KIAA0586: variants seen among roughly 807,000 people sequenced by gnomAD.
The protein encoded by KIAA0586 is protein TALPID3.
Under a neutral mutation model 169.8 loss-of-function variants are expected in KIAA0586, and 144 were observed. That is an observed-to-expected ratio of 0.85 (90% CI 0.74 to 0.97). KIAA0586 has a LOEUF of 0.97. KIAA0586 is among the 50% of genes least tolerant of loss of function. The probability of loss-of-function intolerance (pLI) is 0.00; values close to 1 mark genes in which losing one functional copy is unlikely to be tolerated. For synonymous variants in KIAA0586, 625 were observed against 612.4 expected (o/e 1.02, Z -0.30); for missense variants, 1,854 against 1,823.0 (o/e 1.02, Z -0.31).
rs183703890 is a variant in KIAA0586 at position 58,494,211 on chromosome 14, T to C, written c.3990+1936T>C. On this transcript the variant is annotated intron_variant, in intron 26 of 30. Coordinates refer to ENST00000652326, the MANE Select transcript of KIAA0586 (RefSeq NM_001329943.3). ...TATCCCTTAAATTTTCTGTCTTTCT[T>C]TTCTTCTCCATTCTGGGAGAACTCC... 1.4e-3 allele frequency among the ~76,000 whole-genome samples: 216 copies of C among 152,126 alleles called. 1 individual carries two copies. The highest frequency in any genetic ancestry group is 4.9e-3 in the African/African-American group (204 of 41,550).
chr14:58,439,085 G>T (rs888405866), intron 4 of KIAA0586, among the ~76,000 whole-genome samples: 2 of 152,176 alleles, frequency 1.3e-5, no homozygotes, highest in African/African-American at 4.8e-5. Flanking sequence ...CTGGTGTCAT[G>T]GTAAGACCTC....
rs377537955 is a variant in KIAA0586 at position 58,543,420 on chromosome 14, G to A, written c.4495+3284G>A. 2.6e-5 allele frequency among the ~76,000 whole-genome samples: 4 copies of A among 152,304 alleles called. 1 individual carries two copies. On this transcript the variant is annotated intron_variant, in intron 30 of 30. Transcript: ENST00000652326. ...TGTATTCTCCAGAGTCTAGAACAGT[G>A]CCAGGCACATAGTAGGTGCACAGTT...
chr14:58,558,474 G>A, the KIAA0586 span, among the ~76,000 whole-genome samples: 4 of 152,162 alleles, frequency 2.6e-5, no homozygotes, highest in Admixed American at 1.3e-4. Context: ...GCAATAAATT[G>A]TTGTATAAGG....
At chr14:58,552,008 C>T (rs572839220), downstream of KIAA0586, among the ~76,000 whole-genome samples, 5 of 152,174 alleles carry the variant, frequency 3.3e-5, no homozygotes, top group East Asian at 9.6e-4. Context: ...GGCGTGGATC[C>T]TCAGGGGGAG....
Position 58,487,026 on chromosome 14 carries a change from T to A in KIAA0586, c.3164T>A (p.Leu1055Gln). 6.2e-7 allele frequency: 1 copy of A among 1,610,534 alleles called. No homozygotes were observed. The highest frequency in any genetic ancestry group is 8.5e-7 in the Non-Finnish European group (1 of 1,178,344). ...TTTTAGGCAAGAGTGTGCACCCCACTGCCTACCCCACAGCCTACGCCTCCT... is the reference window on the plus strand; with the variant it reads ...TTTTAGGCAAGAGTGTGCACCCCACAGCCTACCCCACAGCCTACGCCTCCT... ...TYLPARVCTPLPTPQPTPPCS... is the reference protein window; with the variant it reads ...TYLPARVCTPQPTPQPTPPCS... Residue 1055 changes from leucine (L) to glutamine (Q), a missense_variant, in exon 22 of 31, where the codon CTG (leucine) becomes CAG (glutamine). Coordinates refer to ENST00000652326, the MANE Select transcript of KIAA0586 (RefSeq NM_001329943.3).
the KIAA0586 span, among the ~76,000 whole-genome samples, chr14:58,561,286 A>C: frequency 6.6e-6 from 1 of 152,178 alleles, no homozygotes; most frequent in African/African-American, 2.4e-5. Context: ...ATACATTTAC[A>C]TCTGGATTTC....
At chr14:58,530,450 G>A (rs1453892192) in intron 29 of KIAA0586, among the ~76,000 whole-genome samples, 1 of 152,136 alleles carries the variant, frequency 6.6e-6, no homozygotes, top group African/African-American at 2.4e-5. Flanking sequence ...TATATTACAA[G>A]GCTACAGTAA....
rs959875055 is a variant in KIAA0586 at position 58,439,183 on chromosome 14, C to CT, written c.411-3516dup. ...CTGTTACCTCTGTGGACTGCCATTG[C>CT]TTTTTTTCTTTCTTTTTTTTTGAGA... On this transcript the variant is annotated intron_variant, in intron 4 of 30. Coordinates refer to ENST00000652326, the MANE Select transcript of KIAA0586 (RefSeq NM_001329943.3). Among the ~76,000 whole-genome samples, 8 of 152,062 alleles carry CT rather than the reference C, an allele frequency of 5.3e-5. 1 individual carries two copies. In the South Asian group the frequency reaches 6.2e-4, roughly 12 times the overall value.
chr14:58,463,874 C>T, intron 14 of KIAA0586: 1 of 290,780 alleles, frequency 3.4e-6, no homozygotes, highest in South Asian at 3.5e-5. Flanking sequence ...CATAGAAACA[C>T]CCACATGTGA....
intron 7 of KIAA0586, 132 bp downstream of exon 7, chr14:58,448,625 T>C: frequency 2.2e-6 from 1 of 461,084 alleles, no homozygotes. Context: ...GAGTTTTTGT[T>C]TTATAAAACA....
At chr14:58,427,637 G>T (rs1162494183), upstream of KIAA0586, 1 of 1,535,538 alleles carries the variant, frequency 6.5e-7, no homozygotes, top group Non-Finnish European at 8.7e-7. Flanking sequence ...GGATGTTTTG[G>T]GTGAGTTTCT....
At chr14:58,519,951 A>G (rs1325211695) in intron 29 of KIAA0586, among the ~76,000 whole-genome samples, 1 of 152,232 alleles carries the variant, frequency 6.6e-6, no homozygotes, top group Non-Finnish European at 1.5e-5. Flanking sequence ...GCAAACAGCC[A>G]CAGTGGACTA....
chr14:58,544,035 G>A (rs2046831103), intron 30 of KIAA0586: 1 of 399,408 alleles, frequency 2.5e-6, no homozygotes, highest in Non-Finnish European at 4.9e-6. Context: ...CCAGTCTCAA[G>A]TAGATCCCAG....
At chr14:58,485,572 G>A (rs1485775982) in intron 21 of KIAA0586, among the ~76,000 whole-genome samples, 3 of 152,256 alleles carry the variant, frequency 2.0e-5, no homozygotes, top group South Asian at 2.1e-4. Context: ...TCATACATAT[G>A]AAATGACTGA....
chr14:58,560,942 T>G, the KIAA0586 span, among the ~76,000 whole-genome samples: 2 of 152,326 alleles, frequency 1.3e-5, no homozygotes, highest in African/African-American at 4.8e-5. Context: ...GACTTTAAAC[T>G]TCCCAATAAG....
intron 11 of KIAA0586, 135 bp downstream of exon 11, chr14:58,458,114 G>A (rs2040027341): frequency 1.6e-6 from 1 of 627,644 alleles, no homozygotes; most frequent in South Asian, 2.4e-5. Context: ...TGAAGATGTG[G>A]AACTTATAAA....
intron 13 of KIAA0586, among the ~76,000 whole-genome samples, chr14:58,460,581 G>C (rs2040243454): frequency 6.6e-6 from 1 of 152,136 alleles, no homozygotes; most frequent in Admixed American, 6.5e-5. Context: ...CTTATACTTA[G>C]TAGATTCTCA....
At chr14:58,487,211 T>C (rs1469681626) in intron 22 of KIAA0586, 45 bp downstream of exon 22, 1 of 1,491,942 alleles carries the variant, frequency 6.7e-7, no homozygotes, top group Non-Finnish European at 9.2e-7. Context: ...TTAGCAACTA[T>C]TAAATTTCAT....
At chr14:58,433,875 T>C (rs763373821) in intron 4 of KIAA0586, among the ~76,000 whole-genome samples, 6 of 152,048 alleles carry the variant, frequency 3.9e-5, no homozygotes, top group Non-Finnish European at 7.4e-5. Context: ...GGTGTGTGCC[T>C]GTAGTCCCAG....
Sources: allele counts gnomAD v4.1 joint callset (sites outside exome capture counted in the v4.1 genomes callset), GRCh38; gene constraint gnomAD v4.1.1; transcripts MANE v1.5; gene names NCBI Gene and HGNC (gene_info 2026-07-23, HGNC 2026-07-21).